The following MBNL1 variants were observed in gnomAD, a reference collection of about 807,000 sequenced individuals.
The protein encoded by MBNL1 is muscleblind-like protein 1.
A neutral mutation model predicts 42.2 loss-of-function variants in MBNL1; 8 were observed. That is an observed-to-expected ratio of 0.19 (90% CI 0.11 to 0.34). MBNL1 has a LOEUF of 0.34. Ranked by LOEUF, MBNL1 falls within the 10% of genes least tolerant of loss-of-function variation. The pLI, the probability that MBNL1 is intolerant of heterozygous loss-of-function variation, is 1.00. For synonymous variants in MBNL1, 169 were observed against 173.9 expected (o/e 0.97, Z 0.22); for missense variants, 309 against 495.3 (o/e 0.62, Z 3.57).
At chr3:152,266,012 A>G (rs2037169815), upstream of MBNL1, 1 of 152,228 alleles carries the variant, frequency 6.6e-6, no homozygotes, top group East Asian at 1.9e-4. Context: ...AGCTGACAAC[A>G]TGATTGAATA....
At position 152,415,088 on chromosome 3, in the gene MBNL1, C is replaced by G; in HGVS notation, c.322C>G (p.Pro108Ala). The G allele has an allele frequency of 6.3e-7, 1 of 1,591,968 alleles. No homozygotes were observed. The highest frequency in any genetic ancestry group is 8.5e-7 in the Non-Finnish European group (1 of 1,171,968). The change falls in exon 3 of 10, where the codon CCT becomes GCT. Residue 108 changes from proline to alanine, a missense_variant. Pro to Ala is a conservative substitution (Grantham distance 27). Transcript: ENST00000324210. ...QQMQLANAMM[P>A]GAPLQPVPMF... is the part of the protein sequence containing the mutation. The stretch of plus-strand genomic sequence containing the variant: ...AATGCAACTAGCCAATGCCATGATG[C>G]CTGGTGCCCCATTACAACCCGTGGT...
chr3:152,414,712 T>C (rs1447931664), intron 2 of MBNL1, among the ~76,000 whole-genome samples: 1 of 152,198 alleles, frequency 6.6e-6, no homozygotes, highest in African/African-American at 2.4e-5. Context: ...ATTAAAATAA[T>C]TGAAACTCTT....
At chr3:152,408,719 G>T (rs1056174632) in intron 2 of MBNL1, among the ~76,000 whole-genome samples, 1 of 151,790 alleles carries the variant, frequency 6.6e-6, no homozygotes, top group Non-Finnish European at 1.5e-5. Context: ...TCCATGAGGT[G>T]TAAAGTGGCG....
intron 2 of MBNL1, chr3:152,300,967 G>T (rs1400596035): frequency 2.5e-5 from 24 of 968,082 alleles, no homozygotes; most frequent in Non-Finnish European, 2.9e-5. Flanking sequence ...CACAAACTTT[G>T]TTGCATGTGA....
intron 1 of MBNL1, among the ~76,000 whole-genome samples, chr3:152,297,830 A>G (rs2059301686): frequency 6.6e-6 from 1 of 151,710 alleles, no homozygotes; most frequent in African/African-American, 2.4e-5. Context: ...TAATTTTTGT[A>G]TTTTTAATAG....
chr3:152,300,214 A>C lies in MBNL1; in HGVS notation c.21A>C (p.Pro7=). 6.2e-7 allele frequency: 1 copy of C among 1,607,680 alleles called. No homozygotes were observed. The highest frequency in any genetic ancestry group is 8.5e-7 in the Non-Finnish European group (1 of 1,176,460). MAVSVT[P]IRDTKWLTLE... is the part of the protein sequence containing the mutation. The stretch of plus-strand genomic sequence containing the variant: ...TAAACATGGCTGTTAGTGTCACACC[A>C]ATTCGGGACACAAAATGGCTAACAC... Residue 7 remains proline (P), a synonymous_variant, in exon 2 of 10, where the codon CCA becomes CCC. Coordinates refer to ENST00000324210, the MANE Select transcript of MBNL1 (RefSeq NM_021038.5).
At chr3:152,278,304 A>G (rs1453478082) in intron 1 of MBNL1, among the ~76,000 whole-genome samples, 2 of 152,082 alleles carry the variant, frequency 1.3e-5, no homozygotes, top group African/African-American at 2.4e-5. Flanking sequence ...GGTCTTAGGT[A>G]CCTCTTCCAA....
chr3:152,292,404 C>T (rs115998835), intron 1 of MBNL1, among the ~76,000 whole-genome samples: 2,311 of 152,236 alleles, frequency 0.015, 55 homozygotes, highest in African/African-American at 0.053. Flanking sequence ...GTCACCTAAC[C>T]GACACTCCTT....
intron 2 of MBNL1, among the ~76,000 whole-genome samples, chr3:152,414,055 A>G (rs1390642577): frequency 6.6e-5 from 10 of 152,144 alleles, no homozygotes; most frequent in Non-Finnish European, 1.5e-4. Flanking sequence ...TGCTAAGATT[A>G]CTAAACATGT....
intron 2 of MBNL1, among the ~76,000 whole-genome samples, chr3:152,382,270 C>A (rs2097207275): frequency 6.6e-6 from 1 of 151,844 alleles, no homozygotes; most frequent in Non-Finnish European, 1.5e-5. Context: ...TTTATTAAAG[C>A]AAAGAAAATA....
chr3:152,335,918 C>T (rs1426141762), intron 2 of MBNL1, among the ~76,000 whole-genome samples: 1 of 152,118 alleles, frequency 6.6e-6, no homozygotes, highest in African/African-American at 2.4e-5. Flanking sequence ...TTAACAGATT[C>T]ATTTGACCAA....
At chr3:152,261,422 G>A (rs1352968918) in intron 2 of MBNL1, among the ~76,000 whole-genome samples, 3 of 152,278 alleles carry the variant, frequency 2.0e-5, no homozygotes, top group South Asian at 4.1e-4. Flanking sequence ...GGCAAGTCTG[G>A]GAAGGTGAGG....
At chr3:152,295,065 C>T (rs114514790) in intron 1 of MBNL1, among the ~76,000 whole-genome samples, 1,681 of 152,228 alleles carry the variant, frequency 0.011, 20 homozygotes, top group African/African-American at 0.038. Flanking sequence ...GCATAATGGC[C>T]AGTATCTATT....
intron 1 of MBNL1, among the ~76,000 whole-genome samples, chr3:152,288,941 A>G (rs1248520788): frequency 6.6e-6 from 1 of 152,208 alleles, no homozygotes. Context: ...TTTCATTTCT[A>G]TTTATAGAAA....
intron 1 of MBNL1, among the ~76,000 whole-genome samples, chr3:152,286,086 T>C (rs1482664793): frequency 6.6e-6 from 1 of 151,816 alleles, no homozygotes; most frequent in East Asian, 1.9e-4. Context: ...CATACATTTT[T>C]AGTTTTATCC....
intron 1 of MBNL1, among the ~76,000 whole-genome samples, chr3:152,276,218 G>A (rs1166427848): frequency 1.3e-5 from 2 of 152,122 alleles, no homozygotes; most frequent in Non-Finnish European, 2.9e-5. Context: ...ATAAAGAATA[G>A]CGATGAGAAT....
chr3:152,460,703 T>G (rs903887677), intron 9 of MBNL1, among the ~76,000 whole-genome samples: 4 of 152,162 alleles, frequency 2.6e-5, no homozygotes, highest in African/African-American at 9.7e-5. Context: ...CCAGTATGCA[T>G]GCATTCAAGT....
At chr3:152,294,601 A>C (rs572371747) in intron 1 of MBNL1, among the ~76,000 whole-genome samples, 349 of 152,178 alleles carry the variant, frequency 2.3e-3, no homozygotes, top group African/African-American at 8.1e-3. Context: ...TGATTCTTAC[A>C]ATATTTTTGT....
intron 2 of MBNL1, chr3:152,341,102 C>T (rs1407287069): frequency 1.7e-6 from 1 of 582,798 alleles, no homozygotes; most frequent in Admixed American, 3.8e-5. Flanking sequence ...CAAAGTATAA[C>T]TAAATGAAAT....
Sources: gnomAD v4.1 joint callset for allele counts (sites outside exome capture counted in the v4.1 genomes callset) on GRCh38, gnomAD v4.1.1 for gene constraint, MANE v1.5 for transcripts, NCBI Gene and HGNC (gene_info 2026-07-23, HGNC 2026-07-21) for gene names.